The following LRP1B variants were observed in gnomAD, a reference collection of about 807,000 sequenced individuals.
The protein encoded by LRP1B is low-density lipoprotein receptor-related protein 1B.
Under a neutral mutation model 556.6 loss-of-function variants are expected in LRP1B, and 217 were observed. The ratio of observed to expected loss-of-function variants is 0.39; its 90% CI spans 0.35 to 0.44. LRP1B has a LOEUF of 0.44. LRP1B is among the 20% of genes least tolerant of loss of function. The pLI, the probability that LRP1B is intolerant of heterozygous loss-of-function variation, is 1.00. For synonymous variants in LRP1B, 2,047 were observed against 1,865.8 expected, an observed-to-expected ratio of 1.10 and a Z score of -2.50; for missense variants, 5,053 against 5,620.8, an observed-to-expected ratio of 0.90 and a Z score of 3.23.
At chr2:140,390,712 T>C (rs927746923) in intron 66 of LRP1B, among the ~76,000 whole-genome samples, 3 of 151,682 alleles carry the variant, frequency 2.0e-5, no homozygotes, top group Non-Finnish European at 4.4e-5. Flanking sequence ...ATCCAGAATA[T>C]ATAAAAATTC....
At chr2:140,982,975 A>G (rs1055034713) in intron 17 of LRP1B, among the ~76,000 whole-genome samples, 2 of 152,090 alleles carry the variant, frequency 1.3e-5, no homozygotes, top group African/African-American at 4.8e-5. Flanking sequence ...GAACACAAAC[A>G]TGGAATCTTC....
At chr2:141,905,803 GT>G in intron 1 of LRP1B, among the ~76,000 whole-genome samples, 1 of 146,538 alleles carries the variant, frequency 6.8e-6, no homozygotes, top group African/African-American at 2.5e-5. Flanking sequence ...GTGTGTGTGT[GT>G]GGCTAGGTGT....
At chr2:141,006,114 C>T (rs546617701) in intron 14 of LRP1B, among the ~76,000 whole-genome samples, 6 of 152,012 alleles carry the variant, frequency 3.9e-5, no homozygotes, top group South Asian at 2.1e-4. Context: ...TATTCATGAA[C>T]GTATGTGAGG....
chr2:141,587,790 A>G (rs1051525360), intron 2 of LRP1B, among the ~76,000 whole-genome samples: 1 of 152,228 alleles, frequency 6.6e-6, no homozygotes, highest in Non-Finnish European at 1.5e-5. Context: ...ATTAACATGT[A>G]TAACAAAACA....
intron 2 of LRP1B, among the ~76,000 whole-genome samples, chr2:141,665,367 A>G (rs2105402739): frequency 6.6e-6 from 1 of 152,360 alleles, no homozygotes; most frequent in East Asian, 1.9e-4. Flanking sequence ...TGCAAATCAA[A>G]ACCACAATGA....
rs767413558 is a variant in LRP1B, at chr2:140,335,655, C to A, written c.12076G>T (p.Ala4026Ser). The change falls in exon 78 of 91, where the codon GCT becomes TCT. Residue 4026 changes from alanine (A) to serine (S), a missense_variant. This residue lies in a region of LRP1B where 599 missense variants were observed against 648.4 expected (regional missense o/e 0.92). Transcript: ENST00000389484. ...ACTGCAATAGCATAGGGTTCTCCAG[C>A]CATATTTGTTAAGAGTCTGGTGCAG... ...PNCTRLLTNM[A>S]GEPYAIAVNP... 4 of 1,612,410 alleles carry A rather than the reference C, an allele frequency of 2.5e-6. No individual in the cohort carries two copies. Among genetic ancestry groups the A allele is most frequent in the Non-Finnish European group, 3.4e-6 (4 of 1,178,852 alleles).
chr2:141,183,160 T>C (rs1479645802), intron 7 of LRP1B, among the ~76,000 whole-genome samples: 1 of 151,936 alleles, frequency 6.6e-6, no homozygotes, highest in African/African-American at 2.4e-5. Flanking sequence ...GTCTGTAACA[T>C]TTTCACTTAT....
intron 3 of LRP1B, among the ~76,000 whole-genome samples, chr2:141,347,506 T>C (rs906007064): frequency 2.0e-5 from 3 of 151,976 alleles, no homozygotes; most frequent in African/African-American, 7.2e-5. Context: ...AGAAAAATAA[T>C]TTAAAATTTA....
At chr2:140,328,820 TAC>T (rs35295294) in intron 79 of LRP1B, among the ~76,000 whole-genome samples, 2,536 of 151,830 alleles carry the variant, frequency 0.017, 78 homozygotes, top group African/African-American at 0.059. Flanking sequence ...TTCATACACA[TAC>T]ACACACACAT....
intron 6 of LRP1B, among the ~76,000 whole-genome samples, chr2:141,223,864 C>A (rs990121874): frequency 9.9e-5 from 15 of 152,110 alleles, no homozygotes; most frequent in African/African-American, 3.6e-4. Context: ...CTTCCTTACA[C>A]CTTATACAAA....
intron 43 of LRP1B, among the ~76,000 whole-genome samples, chr2:140,546,973 T>G (rs1680365731): frequency 6.6e-6 from 1 of 152,198 alleles, no homozygotes; most frequent in Non-Finnish European, 1.5e-5. Context: ...TTTGCATATG[T>G]TGAACCAAGC....
chr2:141,572,209 C>A (rs969522493), intron 2 of LRP1B, among the ~76,000 whole-genome samples: 48 of 152,100 alleles, frequency 3.2e-4, no homozygotes, highest in African/African-American at 1.1e-3. Flanking sequence ...CAAAGGGAAG[C>A]CCATCAGACT....
intron 2 of LRP1B, among the ~76,000 whole-genome samples, chr2:141,743,824 T>C (rs1345943729): frequency 2.0e-5 from 3 of 152,120 alleles, no homozygotes; most frequent in African/African-American, 7.2e-5. Flanking sequence ...AGGATCCTTT[T>C]AGTTTCTGTG....
intron 1 of LRP1B, among the ~76,000 whole-genome samples, chr2:141,889,527 G>C (rs11895886): frequency 0.078 from 11,924 of 152,098 alleles, 1,557 homozygotes; most frequent in African/African-American, 0.27. Context: ...GATTTGTTTG[G>C]AAATGTTTGC....
intron 7 of LRP1B, among the ~76,000 whole-genome samples, chr2:141,171,090 C>T (rs1680480310): frequency 6.6e-6 from 1 of 151,862 alleles, no homozygotes; most frequent in Admixed American, 6.6e-5. Flanking sequence ...TCCCATATAC[C>T]TCCTGTCTTC....
chr2:141,954,708 G>A (rs773387693), intron 1 of LRP1B, among the ~76,000 whole-genome samples: 3 of 151,958 alleles, frequency 2.0e-5, no homozygotes, highest in Non-Finnish European at 4.4e-5. Flanking sequence ...CATATCTTCA[G>A]GTCTTTCTTC....
intron 1 of LRP1B, among the ~76,000 whole-genome samples, chr2:141,834,680 G>A (rs534528903): frequency 1.3e-5 from 2 of 152,086 alleles, no homozygotes; most frequent in Admixed American, 1.3e-4. Context: ...GGCCACTATG[G>A]TGCTATCAAG....
At chr2:140,902,216 T>C (rs1043229597) in intron 23 of LRP1B, among the ~76,000 whole-genome samples, 1 of 152,124 alleles carries the variant, frequency 6.6e-6, no homozygotes, top group Non-Finnish European at 1.5e-5. Flanking sequence ...GGACTCAGAC[T>C]AAGAATCTAG....
intron 41 of LRP1B, among the ~76,000 whole-genome samples, chr2:140,654,662 C>T (rs1190378667): frequency 6.6e-6 from 1 of 152,012 alleles, no homozygotes; most frequent in Non-Finnish European, 1.5e-5. Flanking sequence ...TCCCCGATAA[C>T]ACAGACTGAC....
Sources: allele counts gnomAD v4.1 joint callset (sites outside exome capture counted in the v4.1 genomes callset), GRCh38; gene constraint gnomAD v4.1.1; regional missense constraint gnomAD v4.1.1; transcripts MANE v1.5; gene names NCBI Gene and HGNC (gene_info 2026-07-23, HGNC 2026-07-21).